The following ABHD18 variants were observed in gnomAD, a reference collection of about 807,000 sequenced individuals.
ABHD18 encodes the protein cardiolipin-specific deacylase, mitochondrial.
Under a neutral mutation model 65.9 loss-of-function variants are expected in ABHD18, and 55 were observed. That is an observed-to-expected ratio of 0.84 (90% confidence interval 0.67 to 1.05). The LOEUF (loss-of-function observed/expected upper bound fraction) is 1.05, where lower values mean the gene tolerates loss of function less well. Ranked by LOEUF, ABHD18 falls within the 50% of genes least tolerant of loss-of-function variation. ABHD18 has a pLI of 0.00. For missense variants in ABHD18, 533 were observed against 558.5 expected (o/e 0.95, Z 0.46); for synonymous variants, 181 against 180.2 (o/e 1.00, Z -0.04).
At chr4:127,982,062 AAAAGT>A (rs1182064507) in intron 1 of ABHD18, among the ~76,000 whole-genome samples, 1 of 152,204 alleles carries the variant, frequency 6.6e-6, no homozygotes, top group Non-Finnish European at 1.5e-5. Context: ...TAAAAAATGA[AAAAGT>A]AAAAATAGAA....
intron 4 of ABHD18, among the ~76,000 whole-genome samples, chr4:128,003,408 T>A (rs1202200863): frequency 6.6e-6 from 1 of 151,622 alleles, no homozygotes; most frequent in Admixed American, 6.6e-5. Flanking sequence ...CAGATTCTGT[T>A]AAATTAAAAT....
At chr4:128,025,953 G>C (rs1757282301) in intron 10 of ABHD18, among the ~76,000 whole-genome samples, 1 of 152,052 alleles carries the variant, frequency 6.6e-6, no homozygotes, top group South Asian at 2.1e-4. Context: ...GTCAGATTGA[G>C]ACCATCCTGG....
At chr4:128,007,782 C>T (rs1399643538) in intron 4 of ABHD18, among the ~76,000 whole-genome samples, 2 of 151,132 alleles carry the variant, frequency 1.3e-5, no homozygotes, top group Non-Finnish European at 2.9e-5. Flanking sequence ...ACTATCTGTG[C>T]GTTTGTGTTT....
intron 7 of ABHD18, among the ~76,000 whole-genome samples, chr4:128,015,338 A>T (rs1249480574): frequency 6.6e-6 from 1 of 152,186 alleles, no homozygotes; most frequent in Non-Finnish European, 1.5e-5. Context: ...GTCTGTTTTC[A>T]TCAAAAGTGC....
intron 4 of ABHD18, among the ~76,000 whole-genome samples, chr4:127,992,387 A>G (rs1213919030): frequency 1.3e-5 from 2 of 152,238 alleles, no homozygotes; most frequent in East Asian, 1.9e-4. Context: ...AGGCAGGAGA[A>G]TCACTTGAAC....
chr4:128,008,567 G>A (rs989159999), intron 4 of ABHD18, among the ~76,000 whole-genome samples: 4 of 151,964 alleles, frequency 2.6e-5, no homozygotes, highest in African/African-American at 7.2e-5. Context: ...GAGCCACCGC[G>A]CCTGGCCAAT....
intron 4 of ABHD18, among the ~76,000 whole-genome samples, chr4:128,007,383 G>A (rs1321288371): frequency 4.5e-5 from 6 of 133,426 alleles, no homozygotes; most frequent in Non-Finnish European, 9.7e-5. Flanking sequence ...GTAAAACAAA[G>A]AGAAGTCATA....
chr4:128,028,876 G>T, intron 11 of ABHD18, 23 bp downstream of exon 11: 1 of 1,491,392 alleles, frequency 6.7e-7, no homozygotes, highest in South Asian at 1.4e-5. Context: ...ATATGAAATT[G>T]AGAATATTTG....
At chr4:127,994,348 G>A (rs553579433) in intron 4 of ABHD18, among the ~76,000 whole-genome samples, 16 of 152,148 alleles carry the variant, frequency 1.1e-4, no homozygotes, top group East Asian at 3.9e-4. Flanking sequence ...TAATCCCAGC[G>A]CTTTGGGAGG....
At chr4:128,033,524 C>CTTTTTTTTTTTTTTTTTTTT (rs869099600) in intron 12 of ABHD18, among the ~76,000 whole-genome samples, 38 of 108,628 alleles carry the variant, frequency 3.5e-4, no homozygotes, top group African/African-American at 1.2e-3. Context: ...CAAAGATAGT[C>CTTTTTTTTTTTTTTTTTTTT]TTTTTTTTTT....
At chr4:127,975,280 A>G (rs894953552) in intron 1 of ABHD18, among the ~76,000 whole-genome samples, 4 of 152,118 alleles carry the variant, frequency 2.6e-5, no homozygotes, top group Non-Finnish European at 4.4e-5. Context: ...CTGAAACTCT[A>G]TACCCATTAA....
chr4:128,028,688 C>T lies in ABHD18; in HGVS notation c.1015C>T (p.Arg339Cys), dbSNP rs201787908. The T allele has an allele frequency of 9.6e-5, 155 of 1,613,738 alleles. No individual in the cohort carries two copies. Among genetic ancestry groups the T allele is most frequent in the Non-Finnish European group, 1.1e-4 (129 of 1,179,856 alleles). ...ATTGCAAGATACCTCTAAGATGAAGCGCTTCAATCAAACACTTTCAACCAA... is the reference window on the plus strand; with the variant it reads ...ATTGCAAGATACCTCTAAGATGAAGTGCTTCAATCAAACACTTTCAACCAA... ...LLLQDTSKMKRFNQTLSTNKS... is the reference protein window; with the variant it reads ...LLLQDTSKMKCFNQTLSTNKS... The change falls in exon 11 of 13, where the codon CGC (arginine) becomes TGC (cysteine). Residue 339 changes from arginine to cysteine, a missense_variant. By Grantham distance (180) the Arg-to-Cys change is radical. Around this residue, in one of 3 missense-constraint regions of ABHD18, gnomAD observed 220 missense variants for 226.8 expected, o/e 0.97. Coordinates refer to ENST00000645843, the MANE Select transcript of ABHD18 (RefSeq NM_001358451.3).
At chr4:128,001,831 G>GT in intron 4 of ABHD18, 3 of 1,334,964 alleles carry the variant, frequency 2.2e-6, no homozygotes, top group East Asian at 3.3e-5. Context: ...TAGATGTTGA[G>GT]TTTTGTTTTG....
chr4:127,973,592 C>T (rs1479153895), intron 1 of ABHD18, among the ~76,000 whole-genome samples: 1 of 152,002 alleles, frequency 6.6e-6, no homozygotes, highest in Non-Finnish European at 1.5e-5. Flanking sequence ...GGGCAGAACC[C>T]ATGATTTGCT....
At chr4:127,973,139 G>T (rs902160982) in intron 1 of ABHD18, among the ~76,000 whole-genome samples, 1 of 151,812 alleles carries the variant, frequency 6.6e-6, no homozygotes, top group Non-Finnish European at 1.5e-5. Flanking sequence ...TCAGCCTCCC[G>T]AGTAGGTGGG....
intron 12 of ABHD18, among the ~76,000 whole-genome samples, chr4:128,035,470 G>A (rs1307448507): frequency 2.6e-5 from 4 of 152,120 alleles, no homozygotes; most frequent in African/African-American, 9.7e-5. Context: ...CTACTTGGGA[G>A]GCTGAGGCAT....
chr4:128,008,475 A>G (rs191431636), intron 4 of ABHD18, among the ~76,000 whole-genome samples: 2 of 151,510 alleles, frequency 1.3e-5, no homozygotes, highest in Non-Finnish European at 2.9e-5. Context: ...GGGTTTCTCC[A>G]TGTTGATTAG....
rs966279692 is a variant in ABHD18, at chr4:128,038,477, C to G, written c.*2664C>G. On this transcript the variant is annotated 3_prime_UTR_variant, in exon 13 of 13. Transcript: ENST00000645843. ...ATAATGTACTATGTTGTGTGAATTT[C>G]TATTGTTAAAAAAATGAAATGTTGA... 3.9e-5 allele frequency: 6 copies of G among 152,230 alleles called. No individual in the cohort carries two copies. Among genetic ancestry groups the G allele is most frequent in the African/African-American group, 1.4e-4 (6 of 41,556 alleles). 9.4% of individuals were successfully genotyped at this position (152,230 alleles called of 1,614,324 possible).
chr4:128,020,482 A>C (rs1756310000), intron 9 of ABHD18, among the ~76,000 whole-genome samples: 2 of 152,192 alleles, frequency 1.3e-5, no homozygotes, highest in South Asian at 4.1e-4. Flanking sequence ...AGTGCTGTCC[A>C]TCAGTGAAGC....
Sources: gnomAD v4.1 joint callset for allele counts (sites outside exome capture counted in the v4.1 genomes callset) on GRCh38, gnomAD v4.1.1 for gene constraint, gnomAD v4.1.1 regional missense constraint, MANE v1.5 for transcripts, NCBI Gene and HGNC (gene_info 2026-07-23, HGNC 2026-07-21) for gene names.